Variants in CHRND observed in about 807,000 individuals in gnomAD.
CHRND encodes the protein cholinergic receptor nicotinic delta subunit.
A neutral mutation model predicts 57.8 loss-of-function variants in CHRND; 40 were observed. The ratio of observed to expected loss-of-function variants is 0.69; its 90% confidence interval spans 0.54 to 0.90. CHRND has a LOEUF of 0.90. Among genes scored for constraint, CHRND ranks in the 40% least tolerant of loss-of-function variants. The probability of loss-of-function intolerance (pLI) is 0.00; values close to 1 mark genes in which losing one functional copy is unlikely to be tolerated. For synonymous variants in CHRND, 237 were observed against 270.6 expected, an observed-to-expected ratio of 0.88 and a Z score of 1.22; for missense variants, 634 against 673.9, an observed-to-expected ratio of 0.94 and a Z score of 0.66.
At position 232,535,513 on chromosome 2, in the gene CHRND, C is replaced by T. The variant is rs1691857044; in HGVS notation, c.*201C>T. ...CCACCCGAGATGGTCTGAGGGTGGA[C>T]ATCGGCTACAGTGGGTGGGCAGGAC... On this transcript the variant is annotated 3_prime_UTR_variant, in exon 12 of 12. Coordinates refer to ENST00000258385, the MANE Select transcript of CHRND (RefSeq NM_000751.3). The T allele has an allele frequency of 2.6e-6, 2 of 757,466 alleles. No individual in the cohort carries two copies. The highest frequency in any genetic ancestry group is 3.4e-5 in the African/African-American group (2 of 58,158). The allele number at this position is 757,466 out of a possible 1,614,324, so 46.9% of individuals were successfully genotyped here.
intron 11 of CHRND, 72 bp from the exon 12 acceptor site, chr2:232,535,058 G>A: frequency 6.4e-7 from 1 of 1,572,352 alleles, no homozygotes; most frequent in African/African-American, 1.3e-5. Flanking sequence ...TCCATGGCTG[G>A]GCCCCAGCTT....
Position 232,535,149 on chromosome 2 carries a change from G to T in CHRND, c.1391G>T (p.Arg464Leu). The change falls in exon 12 of 12, where the codon CGA becomes CTA. Residue 464 changes from arginine to leucine, a missense_variant. By Grantham distance (102) the Arg-to-Leu change is moderately radical (BLOSUM62 -2). Transcript: ENST00000258385. ...CCACAGGAGAAAGACAGCTGGAACC[G>T]AGTGGCCCGCACAGTGGACCGCCTC... ...NYNEEKDSWN[R>L]VARTVDRLCL... 1 of 1,614,150 alleles carries T rather than the reference G, an allele frequency of 6.2e-7. No homozygotes were observed. Among genetic ancestry groups the T allele is most frequent in the Non-Finnish European group, 8.5e-7 (1 of 1,180,028 alleles).
At chr2:232,532,001 G>A (rs2853453) in intron 9 of CHRND, among the ~76,000 whole-genome samples, 1 of 131,588 alleles carries the variant, frequency 7.6e-6, no homozygotes, top group Non-Finnish European at 1.6e-5. Flanking sequence ...ATAGCCAAAA[G>A]CTGGAGACTA....
intron 9 of CHRND, among the ~76,000 whole-genome samples, chr2:232,533,174 C>G (rs3791727): frequency 0.11 from 17,438 of 152,202 alleles, 1,077 homozygotes; most frequent in East Asian, 0.17. Flanking sequence ...GCGCCCGCCA[C>G]CATGCCTGGC....
At chr2:232,530,741 C>T (rs1159297356) in intron 7 of CHRND, among the ~76,000 whole-genome samples, 2 of 152,102 alleles carry the variant, frequency 1.3e-5, no homozygotes, top group Non-Finnish European at 2.9e-5. Context: ...TGGACTTGAG[C>T]AGGATTGGGT....
chr2:232,534,259 G>T lies in CHRND; in HGVS notation c.1288G>T (p.Glu430Ter). 1 of 1,614,186 alleles carries T rather than the reference G, an allele frequency of 6.2e-7. No homozygotes were observed. Among genetic ancestry groups the T allele is most frequent in the Non-Finnish European group, 8.5e-7 (1 of 1,180,042 alleles). Residue 430 changes from glutamate to a stop codon, truncating the protein, a stop_gained, in exon 11 of 12, where the codon GAA becomes TAA. Coordinates refer to ENST00000258385, the MANE Select transcript of CHRND (RefSeq NM_000751.3). LOFTEE classifies it high-confidence loss of function. The stretch of plus-strand genomic sequence containing the variant: ...AGCAAGCTCTGAGCAGGCCCAGCAG[G>T]AACTCTTCAATGAGCTGAAGCCAGC... ...PPASSEQAQQ[E>*]LFNELKPAVD... is the part of the protein sequence containing the mutation.
chr2:232,530,020 A>T lies in CHRND; in HGVS notation c.701A>T (p.Gln234Leu). 1 of 1,614,022 alleles carries T rather than the reference A, an allele frequency of 6.2e-7. No homozygotes were observed. The highest frequency in any genetic ancestry group is 8.5e-7 in the Non-Finnish European group (1 of 1,179,992). The change falls in exon 7 of 12, where the codon CAG (glutamine) becomes CTG (leucine). Residue 234 changes from glutamine (Q) to leucine (L), a missense_variant. Physicochemically the swap from Gln to Leu is moderately radical, Grantham distance 113. Coordinates refer to ENST00000258385, the MANE Select transcript of CHRND (RefSeq NM_000751.3). ...PRAPLDSPSR[Q>L]DITFYLIIRR... The stretch of plus-strand genomic sequence containing the variant: ...GCCCCTCTGGACAGCCCCAGCCGCC[A>T]GGACATCACCTTCTACCTCATCATC...
At chr2:232,527,715 G>A (rs1281070522) in intron 3 of CHRND, among the ~76,000 whole-genome samples, 1 of 152,220 alleles carries the variant, frequency 6.6e-6, no homozygotes, top group Non-Finnish European at 1.5e-5. Context: ...CTGCACTCCA[G>A]CCTGGGCGAC....
Position 232,531,591 on chromosome 2 carries a change from GTCA to G in CHRND, c.985_987del (p.Ile329del). The G allele has an allele frequency of 6.2e-7, 1 of 1,614,050 alleles. No individual in the cohort carries two copies. Among genetic ancestry groups the G allele is most frequent in the Non-Finnish European group, 8.5e-7 (1 of 1,180,038 alleles). ...GGTCACCATGGTTGTGGTGATCTGT[GTCA>G]TCGTGCTCAACATCCACTTCCGAAC... On this transcript the variant is annotated inframe_deletion, in exon 9 of 12. Coordinates refer to ENST00000258385, the MANE Select transcript of CHRND (RefSeq NM_000751.3).
chr2:232,528,133 T>C, intron 3 of CHRND, 129 bp from the exon 4 acceptor site: 1 of 822,198 alleles, frequency 1.2e-6, no homozygotes, highest in Middle Eastern at 2.3e-4. Context: ...CCGCACTCTG[T>C]ACCTGCCTTC....
At position 232,533,974 on chromosome 2, in the gene CHRND, C is replaced by T; in HGVS notation, c.1091C>T (p.Pro364Leu). The T allele has an allele frequency of 6.2e-7, 1 of 1,613,700 alleles. No homozygotes were observed. The highest frequency in any genetic ancestry group is 8.5e-7 in the Non-Finnish European group (1 of 1,180,022). ...TLPELLHMSRPAEDGPSPGAL... is the reference protein window; with the variant it reads ...TLPELLHMSRLAEDGPSPGAL... ...CCGGAGCTCCTGCACATGTCCCGCC[C>T]AGCAGAGGATGGACCCAGCCCTGGG... The change falls in exon 10 of 12, where the codon CCA becomes CTA. Residue 364 changes from proline (P) to leucine (L), a missense_variant. Pro to Leu is a moderately conservative substitution (Grantham distance 98, BLOSUM62 -3). Coordinates refer to ENST00000258385, the MANE Select transcript of CHRND (RefSeq NM_000751.3).
rs1220414347 is a variant in CHRND, at chr2:232,535,800, A to AC, written c.*492dup. The AC allele has an allele frequency of 6.6e-6, 3 of 454,174 alleles. No individual in the cohort carries two copies. The highest frequency in any genetic ancestry group is 1.3e-5 in the Non-Finnish European group (3 of 227,032). The allele number at this position is 454,174 out of a possible 1,614,324, so 28.1% of individuals were successfully genotyped here. On this transcript the variant is annotated 3_prime_UTR_variant, in exon 12 of 12. Transcript: ENST00000258385. ...GTTGAGGACACCTCCCTCCCTCCAG[A>AC]CCCCAGAGTATCCTTTCCTAGCTCT...
In CHRND at chr2:232,535,384, C is replaced by T. The variant is rs1691850090; in HGVS notation, c.*72C>T. The T allele has an allele frequency of 6.4e-6, 10 of 1,569,866 alleles. No homozygotes were observed. Among genetic ancestry groups the T allele is most frequent in the Non-Finnish European group, 6.9e-6 (8 of 1,151,940 alleles). ...GCCACAGTCCCTAATGACACCCACT[C>T]CTAGCCCTGAGGCTCGTGCCCCTCA... On this transcript the variant is annotated 3_prime_UTR_variant, in exon 12 of 12. Transcript: ENST00000258385.
At chr2:232,534,201 C>T (rs1261683671) in intron 10 of CHRND, 23 bp from the exon 11 acceptor site, 7 of 1,613,958 alleles carry the variant, frequency 4.3e-6, no homozygotes, top group Non-Finnish European at 5.9e-6. Context: ...GGCCTCACAC[C>T]CACTCTGGCC....
rs948692945 is a variant in CHRND at position 232,535,556 on chromosome 2, G to A, written c.*244G>A. On this transcript the variant is annotated 3_prime_UTR_variant, in exon 12 of 12. Coordinates refer to ENST00000258385, the MANE Select transcript of CHRND (RefSeq NM_000751.3). ...GGCAGGACGATTTGGGGGGAGGCCC[G>A]AGGCTGGCTCAGGGGCCAGGGAGGA... 21 of 671,824 alleles carry A rather than the reference G, an allele frequency of 3.1e-5. No individual in the cohort carries two copies. Among genetic ancestry groups the A allele is most frequent in the Non-Finnish European group, 4.3e-5 (16 of 370,342 alleles). 41.6% of individuals were successfully genotyped at this position (671,824 alleles called of 1,614,324 possible). A position where few individuals can be genotyped will look rare whatever the true frequency, so the allele number is the denominator to read the frequency against.
At chr2:232,531,125 C>A (rs1691674453) in intron 7 of CHRND, among the ~76,000 whole-genome samples, 1 of 152,178 alleles carries the variant, frequency 6.6e-6, no homozygotes, top group Non-Finnish European at 1.5e-5. Context: ...AACTGATGCA[C>A]AGAGAGGTTG....
In CHRND at chr2:232,533,984, T is replaced by C. The variant is rs775750064; in HGVS notation, c.1101T>C (p.Asp367=). The change falls in exon 10 of 12, where the codon GAT becomes GAC. Residue 367 remains aspartate (D), a synonymous_variant. Transcript: ENST00000258385. ...ELLHMSRPAE[D]GPSPGALVRR... ...TGCACATGTCCCGCCCAGCAGAGGA[T>C]GGACCCAGCCCTGGGGCCCTGGTGC... 3 of 1,613,692 alleles carry C rather than the reference T, an allele frequency of 1.9e-6. No individual in the cohort carries two copies. Among genetic ancestry groups the C allele is most frequent in the Non-Finnish European group, 2.5e-6 (3 of 1,180,032 alleles).
In CHRND at chr2:232,527,667, G is replaced by C. The variant is rs541736074; in HGVS notation, c.243+222G>C. 2.7e-3 allele frequency among the ~76,000 whole-genome samples: 413 copies of C among 152,236 alleles called. 2 individuals are homozygous for C. The highest frequency in any genetic ancestry group is 0.012 in the South Asian group (60 of 4,820). Reference sequence around the variant, plus strand: ...GCTGAGGCAGGAGAATGGTGTGAACGCAGGAGGCGGAGCTTGCAGTGAGCC... The same window carrying C: ...GCTGAGGCAGGAGAATGGTGTGAACCCAGGAGGCGGAGCTTGCAGTGAGCC... On this transcript the variant is annotated intron_variant, in intron 3 of 11. Coordinates refer to ENST00000258385, the MANE Select transcript of CHRND (RefSeq NM_000751.3).
At position 232,535,151 on chromosome 2, in the gene CHRND, G is replaced by A. The variant is rs1201896033; in HGVS notation, c.1393G>A (p.Val465Met). The A allele has an allele frequency of 6.2e-7, 1 of 1,614,090 alleles. No homozygotes were observed. Among genetic ancestry groups the A allele is most frequent in the Non-Finnish European group, 8.5e-7 (1 of 1,180,042 alleles). Residue 465 changes from valine (V) to methionine (M), a missense_variant, in exon 12 of 12, where the codon GTG becomes ATG. Coordinates refer to ENST00000258385, the MANE Select transcript of CHRND (RefSeq NM_000751.3). ...ACAGGAGAAAGACAGCTGGAACCGA[G>A]TGGCCCGCACAGTGGACCGCCTCTG... Reference protein sequence around the residue: ...YNEEKDSWNRVARTVDRLCLF... With the variant: ...YNEEKDSWNRMARTVDRLCLF...
Sources: allele counts gnomAD v4.1 joint callset (sites outside exome capture counted in the v4.1 genomes callset), GRCh38; gene constraint gnomAD v4.1.1; transcripts MANE v1.5; gene names NCBI Gene and HGNC (gene_info 2026-07-23, HGNC 2026-07-21).